PCDH15: variants seen among roughly 807,000 people sequenced by gnomAD.
PCDH15 encodes protocadherin related 15.
PCDH15 carries 129 observed loss-of-function variants against 178.5 expected under a neutral mutation model. The observed-to-expected ratio is 0.72, with a 90% CI of 0.63 to 0.84. The LOEUF is 0.84. Among genes scored for constraint, PCDH15 ranks in the 40% least tolerant of loss-of-function variants. The probability of loss-of-function intolerance (pLI) is 0.00; values close to 1 mark genes in which losing one functional copy is unlikely to be tolerated. For missense variants in PCDH15, 2,230 were observed against 2,099.9 expected (o/e 1.06, Z -1.21); for synonymous variants, 800 against 732.0 (o/e 1.09, Z -1.50).
At chr10:54,577,084 T>G (rs2090549342) in intron 2 of PCDH15, among the ~76,000 whole-genome samples, 1 of 47,800 alleles carries the variant, frequency 2.1e-5, no homozygotes, top group East Asian at 6.6e-4. Flanking sequence ...GAAGAAAATT[T>G]TAATTTCTTT....
intron 20 of PCDH15, among the ~76,000 whole-genome samples, chr10:54,008,395 A>G (rs1010302314): frequency 1.3e-5 from 2 of 152,180 alleles, no homozygotes; most frequent in Admixed American, 6.5e-5. Flanking sequence ...TAATACCCCC[A>G]TATTGAAATA....
At chr10:53,820,906 C>T (rs1280061144) in intron 32 of PCDH15, among the ~76,000 whole-genome samples, 1 of 151,912 alleles carries the variant, frequency 6.6e-6, no homozygotes, top group Non-Finnish European at 1.5e-5. Context: ...ATTGATAGTT[C>T]AGCAAATATC....
At chr10:53,997,134 C>T (rs1048441242) in intron 20 of PCDH15, among the ~76,000 whole-genome samples, 31 of 152,028 alleles carry the variant, frequency 2.0e-4, no homozygotes, top group Non-Finnish European at 7.4e-5. Context: ...TTGAACTGTA[C>T]ACAAAACTGA....
At chr10:54,277,539 G>A (rs1014960870) in intron 8 of PCDH15, among the ~76,000 whole-genome samples, 1 of 151,536 alleles carries the variant, frequency 6.6e-6, no homozygotes, top group Non-Finnish European at 1.5e-5. Context: ...TTATTGTTTA[G>A]TAAAATTTCC....
rs532683619 is a variant in PCDH15, at chr10:54,741,299, A to G, written c.-29+59626T>C. 2.0e-5 allele frequency among the ~76,000 whole-genome samples: 3 copies of G among 151,788 alleles called. No homozygotes were observed. In the South Asian group the frequency reaches 6.2e-4, roughly 31 times the overall value. The stretch of plus-strand genomic sequence containing the variant: ...AATACATATAAAAATAAAGCCATGC[A>G]TACATATTTAGTAACTAAAAATGTA... On this transcript the variant is annotated intron_variant, in intron 1 of 37. Coordinates refer to ENST00000644397, the MANE Select transcript of PCDH15 (RefSeq NM_001384140.1).
At chr10:54,121,113 G>A (rs1056143541) in intron 15 of PCDH15, among the ~76,000 whole-genome samples, 4 of 149,420 alleles carry the variant, frequency 2.7e-5, no homozygotes, top group Admixed American at 1.3e-4. Flanking sequence ...CCAGTGGAAT[G>A]AAAATAGAAA....
chr10:54,398,182 AT>A (rs1173397753), intron 3 of PCDH15, among the ~76,000 whole-genome samples: 1 of 151,884 alleles, frequency 6.6e-6, no homozygotes, highest in African/African-American at 2.4e-5. Context: ...ATAAAAAGTA[AT>A]AAAAATTAAT....
Position 55,489,915 on chromosome 10 carries a change from A to AGT in PCDH15, c.-156+137708_-156+137709dup, listed in dbSNP as rs143627807. On this transcript the variant is annotated intron_variant, in intron 2 of 5. Coordinates refer to the PCDH15 transcript ENST00000613346. ...ATTAAAGCAAAGGAACTTAGAAAGA[A>AGT]GTGTCCAAGTTTAAAAATAAACTAA... Among the ~76,000 whole-genome samples, 924 of 151,858 alleles carry AGT rather than the reference A, an allele frequency of 6.1e-3. 10 individuals are homozygous for AGT. The highest frequency in any genetic ancestry group is 0.021 in the African/African-American group (890 of 41,510).
rs570448652 is a variant in PCDH15, at chr10:55,588,583, G to C, written c.-156+39042C>G. Reference sequence around the variant, plus strand: ...ATTTTATTAAGATGGGAGTCATAATGATCATGTGCCATGTGAGAATATTTG... The same window carrying C: ...ATTTTATTAAGATGGGAGTCATAATCATCATGTGCCATGTGAGAATATTTG... On this transcript the variant is annotated intron_variant, in intron 2 of 5. Transcript: ENST00000613346. Among the ~76,000 whole-genome samples the C allele has an allele frequency of 9.9e-5, 15 of 152,028 alleles. No homozygotes were observed. The South Asian group carries it at 2.7e-3, about 27-fold the overall frequency.
At chr10:55,203,582 T>C (rs767178431) in intron 1 of PCDH15, among the ~76,000 whole-genome samples, 1 of 152,086 alleles carries the variant, frequency 6.6e-6, no homozygotes, top group Non-Finnish European at 1.5e-5. Context: ...TAGACTTTTC[T>C]GTCATCTCAG....
chr10:55,415,969 G>A lies in PCDH15; in HGVS notation c.-156+211656C>T, dbSNP rs376289222. Among the ~76,000 whole-genome samples, 20 of 151,252 alleles carry A rather than the reference G, an allele frequency of 1.3e-4. No individual in the cohort carries two copies. The East Asian group carries it at 2.7e-3, about 21-fold the overall frequency. On this transcript the variant is annotated intron_variant, in intron 2 of 5. Transcript: ENST00000613346. Reference sequence around the variant, plus strand: ...TGCTTTTGTCGATAGCAAATTTCAAGTTTCAAAAACAGGCTCAACATTTCA... The same window carrying A: ...TGCTTTTGTCGATAGCAAATTTCAAATTTCAAAAACAGGCTCAACATTTCA...
At chr10:54,258,878 A>C (rs2057109729) in intron 8 of PCDH15, among the ~76,000 whole-genome samples, 1 of 152,172 alleles carries the variant, frequency 6.6e-6, no homozygotes. Flanking sequence ...AAAACATAAA[A>C]TGTCCTTTTG....
intron 2 of PCDH15, among the ~76,000 whole-genome samples, chr10:55,548,765 G>A (rs1211410974): frequency 6.6e-6 from 1 of 152,116 alleles, no homozygotes. Context: ...TGTACCATGG[G>A]AAGTGAAAGG....
At chr10:53,818,088 A>C (rs915074588) in intron 33 of PCDH15, 75 bp from the exon 34 acceptor site, 3 of 396,846 alleles carry the variant, frequency 7.6e-6, no homozygotes, top group African/African-American at 2.1e-5. Flanking sequence ...CTGACAGATA[A>C]GGGCTTTAAA....
chr10:54,493,762 T>A (rs113517314), intron 3 of PCDH15, among the ~76,000 whole-genome samples: 2,869 of 152,248 alleles, frequency 0.019, 94 homozygotes, highest in African/African-American at 0.066. Flanking sequence ...CTAGAAATCA[T>A]GCTGCTACAA....
At chr10:55,573,456 T>C (rs1842443209) in intron 2 of PCDH15, among the ~76,000 whole-genome samples, 1 of 152,090 alleles carries the variant, frequency 6.6e-6, no homozygotes, top group Non-Finnish European at 1.5e-5. Flanking sequence ...TAAACGGAAG[T>C]TTGAAATAAT....
intron 2 of PCDH15, among the ~76,000 whole-genome samples, chr10:55,344,879 A>C (rs1210918692): frequency 6.6e-6 from 1 of 152,116 alleles, no homozygotes; most frequent in Non-Finnish European, 1.5e-5. Context: ...GGTCTGCCAG[A>C]GCAGAGAGGA....
chr10:54,814,564 TGAC>T (rs1952918551), intron 3 of PCDH15, among the ~76,000 whole-genome samples: 1 of 152,158 alleles, frequency 6.6e-6, no homozygotes, highest in Non-Finnish European at 1.5e-5. Context: ...AATAAATAAA[TGAC>T]AAGTCCTTAT....
chr10:54,632,768 A>G (rs116135803), intron 2 of PCDH15, among the ~76,000 whole-genome samples: 2,108 of 152,214 alleles, frequency 0.014, 41 homozygotes, highest in African/African-American at 0.048. Context: ...ACACAGATCT[A>G]TTAATCACTC....
Sources: gnomAD v4.1 joint callset for allele counts (sites outside exome capture counted in the v4.1 genomes callset) on GRCh38, gnomAD v4.1.1 for gene constraint, MANE v1.5 for transcripts, NCBI Gene and HGNC (gene_info 2026-07-23, HGNC 2026-07-21) for gene names.